The following BMERB1 variants were observed in gnomAD, a reference collection of about 807,000 sequenced individuals.
BMERB1 encodes the protein bMERB domain-containing protein 1.
In BMERB1, 12 loss-of-function variants were observed where a neutral mutation model predicts 23.6. The ratio of observed to expected loss-of-function variants is 0.51; its 90% CI spans 0.33 to 0.82. The LOEUF is 0.82. Ranked by LOEUF, BMERB1 falls within the 40% of genes least tolerant of loss-of-function variation. BMERB1 has a pLI of 0.03. For missense variants in BMERB1, 247 were observed against 255.4 expected (o/e 0.97, Z 0.22); for synonymous variants, 122 against 96.6 (o/e 1.26, Z -1.54).
intron 1 of BMERB1, among the ~76,000 whole-genome samples, chr16:15,488,344 A>C (rs1490476010): frequency 6.6e-6 from 1 of 152,184 alleles, no homozygotes; most frequent in Non-Finnish European, 1.5e-5. Context: ...CACAGGCTGC[A>C]CAAAAAGAAG....
intron 1 of BMERB1, among the ~76,000 whole-genome samples, chr16:15,457,621 A>G (rs2051096964): frequency 6.6e-6 from 1 of 151,754 alleles, no homozygotes; most frequent in Non-Finnish European, 1.5e-5. Flanking sequence ...ACCTGTTCTC[A>G]CCTCCTTTCA....
At chr16:15,583,938 A>G in intron 5 of BMERB1, 1 of 688,830 alleles carries the variant, frequency 1.5e-6, no homozygotes, top group South Asian at 1.5e-5. Context: ...CCCTAATTGC[A>G]AAGTTTGGTG....
chr16:15,572,605 CAT>C (rs2030756618), intron 3 of BMERB1, among the ~76,000 whole-genome samples: 1 of 152,178 alleles, frequency 6.6e-6, no homozygotes, highest in African/African-American at 2.4e-5. Flanking sequence ...AAATGTCAAA[CAT>C]AAAACAACGA....
intron 3 of BMERB1, among the ~76,000 whole-genome samples, chr16:15,578,875 A>G (rs1235751986): frequency 6.6e-6 from 1 of 152,310 alleles, no homozygotes; most frequent in South Asian, 2.1e-4. Flanking sequence ...TGGCACCTGT[A>G]GGCAAGTGGA....
intron 2 of BMERB1, among the ~76,000 whole-genome samples, chr16:15,551,446 A>G (rs2030089565): frequency 6.6e-6 from 1 of 152,212 alleles, no homozygotes; most frequent in Non-Finnish European, 1.5e-5. Flanking sequence ...TGGGATAACA[A>G]GGGGGCTATG....
At chr16:15,457,555 C>T (rs2051096404) in intron 1 of BMERB1, among the ~76,000 whole-genome samples, 1 of 152,194 alleles carries the variant, frequency 6.6e-6, no homozygotes, top group Non-Finnish European at 1.5e-5. Flanking sequence ...AACCATGCAG[C>T]AGTCTGTGTT....
Position 15,547,013 on chromosome 16 carries a change from C to CT in BMERB1, c.231-20953dup, listed in dbSNP as rs34983068. ...TGTATAAGGGCACTGGCTCTTTTAG[C>CT]TTTTTTTTTTTTTTTTTGAGACAGA... On this transcript the variant is annotated intron_variant, in intron 2 of 5. Coordinates refer to ENST00000300006, the MANE Select transcript of BMERB1 (RefSeq NM_033201.3). 4.8e-3 allele frequency among the ~76,000 whole-genome samples: 625 copies of CT among 130,148 alleles called. 4 individuals are homozygous for CT. The highest frequency in any genetic ancestry group is 0.042 in the East Asian group (185 of 4,388). The allele number at this position is 130,148 out of a possible 152,430, so 85.4% of individuals were successfully genotyped here.
intron 2 of BMERB1, among the ~76,000 whole-genome samples, chr16:15,537,876 A>G (rs9928979): frequency 0.34 from 52,077 of 151,214 alleles, 11,554 homozygotes; most frequent in African/African-American, 0.61. Flanking sequence ...CCAGGCTGTT[A>G]TCAAACTCCT....
rs531373975 is a variant in BMERB1, at chr16:15,526,951, A to AAATATGATTT, written c.230+11524_230+11525insATATGATTTA. 2.5e-3 allele frequency among the ~76,000 whole-genome samples: 377 copies of AAATATGATTT among 147,904 alleles called. 2 individuals are homozygous for AAATATGATTT. The highest frequency in any genetic ancestry group is 8.5e-3 in the African/African-American group (345 of 40,820). ...TAGTAAATAATAATAAAATATAATA[A>AAATATGATTT]ATCATATTTTATTATATTTTATTAT... On this transcript the variant is annotated intron_variant, in intron 2 of 5. Transcript: ENST00000300006.
At chr16:15,517,716 C>G (rs1258803006) in intron 2 of BMERB1, among the ~76,000 whole-genome samples, 2 of 151,234 alleles carry the variant, frequency 1.3e-5, no homozygotes, top group Non-Finnish European at 2.9e-5. Flanking sequence ...TGTGCACTTA[C>G]TGACCTTTAC....
rs189574694 is a variant in BMERB1 at position 15,556,826 on chromosome 16, C to T, written c.231-11157C>T. Among the ~76,000 whole-genome samples the T allele has an allele frequency of 3.9e-4, 60 of 152,260 alleles. 1 individual carries two copies. The East Asian group carries it at 9.9e-3, about 25-fold the overall frequency. ...GTCTCGATTTCTTGACCTCGTGATCCGCCCTCCTCGGCCTCCCAAAGTGCT... is the reference window on the plus strand; with the variant it reads ...GTCTCGATTTCTTGACCTCGTGATCTGCCCTCCTCGGCCTCCCAAAGTGCT... On this transcript the variant is annotated intron_variant, in intron 2 of 5. Transcript: ENST00000300006.
chr16:15,543,234 TTCTTC>T (rs2052103232), intron 2 of BMERB1, among the ~76,000 whole-genome samples: 1 of 152,066 alleles, frequency 6.6e-6, no homozygotes, highest in African/African-American at 2.4e-5. Context: ...GTTCAGACAC[TTCTTC>T]TCTTCTCTCC....
chr16:15,564,530 A>C (rs1471957614), intron 2 of BMERB1, among the ~76,000 whole-genome samples: 1 of 152,254 alleles, frequency 6.6e-6, no homozygotes, highest in African/African-American at 2.4e-5. Context: ...TAAAGCGTCT[A>C]TAATTGGTTT....
At chr16:15,449,390 A>G (rs1399488484) in intron 1 of BMERB1, among the ~76,000 whole-genome samples, 1 of 152,148 alleles carries the variant, frequency 6.6e-6, no homozygotes, top group African/African-American at 2.4e-5. Flanking sequence ...GAGGGAGGGA[A>G]GAGTTGAAAC....
chr16:15,545,107 G>A (rs981739640), intron 2 of BMERB1, among the ~76,000 whole-genome samples: 1 of 152,024 alleles, frequency 6.6e-6, no homozygotes, highest in Non-Finnish European at 1.5e-5. Flanking sequence ...CGAGTAGCTG[G>A]GATTATAGGC....
rs117078376 is a variant in BMERB1, at chr16:15,481,931, A to C, written c.107-33374A>C. ...TTTTTAGTAGAGACGGGGTTTCACT[A>C]CGTTGACTAGCCTGGTCTTGAACTC... is the stretch of plus-strand genomic sequence containing the variant. On this transcript the variant is annotated intron_variant, in intron 1 of 5. Coordinates refer to ENST00000300006, the MANE Select transcript of BMERB1 (RefSeq NM_033201.3). Among the ~76,000 whole-genome samples, 501 of 151,462 alleles carry C rather than the reference A, an allele frequency of 3.3e-3. 2 individuals carry two copies. Among genetic ancestry groups the C allele is most frequent in the Non-Finnish European group, 6.0e-3 (406 of 67,812 alleles).
chr16:15,520,477 C>CT (rs147757819), intron 2 of BMERB1, among the ~76,000 whole-genome samples: 2,132 of 109,332 alleles, frequency 0.02, 72 homozygotes, highest in African/African-American at 0.061. Context: ...CATAGATGTT[C>CT]TTTTTTTTTT....
intron 2 of BMERB1, among the ~76,000 whole-genome samples, chr16:15,561,547 G>A (rs2030422318): frequency 6.6e-6 from 1 of 152,016 alleles, no homozygotes; most frequent in African/African-American, 2.4e-5. Flanking sequence ...GGGATTACAG[G>A]TGTGAGCCAC....
intron 2 of BMERB1, among the ~76,000 whole-genome samples, chr16:15,564,413 G>T (rs567536615): frequency 6.6e-6 from 1 of 152,068 alleles, no homozygotes; most frequent in Non-Finnish European, 1.5e-5. Flanking sequence ...ATTATTCCGA[G>T]CTAAATAAGA....
Sources: allele counts gnomAD v4.1 joint callset (sites outside exome capture counted in the v4.1 genomes callset), GRCh38; gene constraint gnomAD v4.1.1; transcripts MANE v1.5; gene names NCBI Gene and HGNC (gene_info 2026-07-23, HGNC 2026-07-21).